Variants in DLC1 observed in about 807,000 individuals in gnomAD.
The protein encoded by DLC1 is DLC1 Rho GTPase activating protein, also known as rho GTPase-activating protein 7.
DLC1 carries 54 observed loss-of-function variants against 140.3 expected under a neutral mutation model. The ratio of observed to expected loss-of-function variants is 0.38; its 90% CI spans 0.31 to 0.48. The LOEUF (loss-of-function observed/expected upper bound fraction) is 0.48, where lower values mean the gene tolerates loss of function less well. Among genes scored for constraint, DLC1 ranks in the 20% least tolerant of loss-of-function variants. DLC1 has a pLI of 0.96. For missense variants in DLC1, 2,536 were observed against 1,907.0 expected (o/e 1.33, Z -6.14); for synonymous variants, 986 against 728.1 (o/e 1.35, Z -5.70).
intron 2 of DLC1, among the ~76,000 whole-genome samples, chr8:13,474,273 A>T (rs931207897): frequency 6.6e-6 from 1 of 152,156 alleles, no homozygotes; most frequent in Non-Finnish European, 1.5e-5. Context: ...CAGCTTCCAC[A>T]TGGTGTTGAG....
intron 4 of DLC1, among the ~76,000 whole-genome samples, chr8:13,358,212 A>G (rs1166431437): frequency 6.6e-6 from 1 of 152,258 alleles, no homozygotes; most frequent in Non-Finnish European, 1.5e-5. Flanking sequence ...AACCAATTAT[A>G]TCAGAGCAAG....
At chr8:13,307,961 C>T (rs1355225499) in intron 4 of DLC1, among the ~76,000 whole-genome samples, 1 of 152,106 alleles carries the variant, frequency 6.6e-6, no homozygotes, top group South Asian at 2.1e-4. Flanking sequence ...CACAAAATAC[C>T]TCTATAGGAA....
At chr8:13,129,328 T>C (rs922462010) in intron 5 of DLC1, among the ~76,000 whole-genome samples, 1 of 152,214 alleles carries the variant, frequency 6.6e-6, no homozygotes, top group African/African-American at 2.4e-5. Context: ...GCATGTTCCT[T>C]CTAATTTCAT....
chr8:13,122,958 C>A (rs867672656), intron 5 of DLC1, among the ~76,000 whole-genome samples: 3 of 152,130 alleles, frequency 2.0e-5, no homozygotes. Context: ...CCTACATTTT[C>A]CCTTTCACTA....
chr8:13,269,382 C>T (rs527706870), intron 5 of DLC1, among the ~76,000 whole-genome samples: 1 of 152,268 alleles, frequency 6.6e-6, no homozygotes, highest in African/African-American at 2.4e-5. Context: ...GGAAATCCAT[C>T]ATCATCACAC....
intron 1 of DLC1, among the ~76,000 whole-genome samples, chr8:13,591,763 A>G (rs1390644122): frequency 6.6e-6 from 1 of 152,116 alleles, no homozygotes; most frequent in African/African-American, 2.4e-5. Flanking sequence ...GATATGTCAG[A>G]TATGAAATTT....
chr8:13,436,363 A>T (rs560685069), intron 2 of DLC1, among the ~76,000 whole-genome samples: 3 of 152,218 alleles, frequency 2.0e-5, no homozygotes, highest in Non-Finnish European at 4.4e-5. Context: ...CTCGAAAATG[A>T]CATCATATCA....
At chr8:13,563,103 G>T (rs949587227) in intron 1 of DLC1, among the ~76,000 whole-genome samples, 3 of 152,130 alleles carry the variant, frequency 2.0e-5, no homozygotes, top group Admixed American at 6.6e-5. Flanking sequence ...TTCTCTTCCT[G>T]CTCCTTTTTA....
At chr8:13,266,094 T>A (rs1830679354) in intron 5 of DLC1, among the ~76,000 whole-genome samples, 1 of 152,248 alleles carries the variant, frequency 6.6e-6, no homozygotes, top group Admixed American at 6.5e-5. Flanking sequence ...AACTTTTCTC[T>A]GTCTTCCTTT....
intron 4 of DLC1, among the ~76,000 whole-genome samples, chr8:13,326,186 G>C (rs1420364252): frequency 2.0e-5 from 3 of 152,142 alleles, no homozygotes; most frequent in Non-Finnish European, 2.9e-5. Flanking sequence ...CAATGATGAG[G>C]ATATTAAAAA....
At chr8:13,348,112 A>AACAG (rs1834445847) in intron 4 of DLC1, among the ~76,000 whole-genome samples, 1 of 151,620 alleles carries the variant, frequency 6.6e-6, no homozygotes. Flanking sequence ...CAAACAAATA[A>AACAG]ACAAACAAAC....
intron 1 of DLC1, among the ~76,000 whole-genome samples, chr8:13,557,367 G>A (rs1028773195): frequency 3.9e-5 from 6 of 152,096 alleles, no homozygotes; most frequent in African/African-American, 7.2e-5. Context: ...GTAATTATTT[G>A]GAAAACAGGT....
intron 3 of DLC1, among the ~76,000 whole-genome samples, chr8:13,401,253 C>A (rs760191918): frequency 6.6e-6 from 1 of 152,100 alleles, no homozygotes; most frequent in Non-Finnish European, 1.5e-5. Context: ...TAAACAAGTT[C>A]TTTTGTATCA....
At chr8:13,343,205 A>T (rs1254435137) in intron 4 of DLC1, among the ~76,000 whole-genome samples, 1 of 152,196 alleles carries the variant, frequency 6.6e-6, no homozygotes, top group African/African-American at 2.4e-5. Flanking sequence ...TGAGTCAGAG[A>T]TTGGGTCATC....
At position 13,117,141 on chromosome 8, in the gene DLC1, G is replaced by A. The variant is rs114067910; in HGVS notation, c.1349-1484C>T. ...CACTTCCTAGAAAACTATATTGCTG[G>A]AAAAACATATACAAGCTCAATATTT... On this transcript the variant is annotated intron_variant, in intron 5 of 17. Transcript: ENST00000276297. Among the ~76,000 whole-genome samples, 958 of 152,248 alleles carry A rather than the reference G, an allele frequency of 6.3e-3. 11 individuals carry two copies. The highest frequency in any genetic ancestry group is 0.022 in the African/African-American group (908 of 41,538).
At position 13,384,493 on chromosome 8, in the gene DLC1, G is replaced by C. The variant is rs1279964455; in HGVS notation, c.1314+9060C>G. Among the ~76,000 whole-genome samples, 3 of 152,240 alleles carry C rather than the reference G, an allele frequency of 2.0e-5. No individual in the cohort carries two copies. In the East Asian group the frequency reaches 5.8e-4, roughly 29 times the overall value. ...TGCTAAATGTGAAATTAAATATTTG[G>C]TTAATATTTGCTTGGGAAATATCTT... On this transcript the variant is annotated intron_variant, in intron 4 of 17. Coordinates refer to ENST00000276297, the MANE Select transcript of DLC1 (RefSeq NM_182643.3).
intron 4 of DLC1, among the ~76,000 whole-genome samples, chr8:13,327,118 C>CAT (rs1833386534): frequency 1.4e-5 from 1 of 72,208 alleles, no homozygotes; most frequent in Non-Finnish European, 2.7e-5. Context: ...CCACACCCGG[C>CAT]TATTTTTTTT....
At chr8:13,178,795 G>T (rs1472694445) in intron 5 of DLC1, among the ~76,000 whole-genome samples, 1 of 152,030 alleles carries the variant, frequency 6.6e-6, no homozygotes, top group African/African-American at 2.4e-5. Context: ...AAAACACCAA[G>T]AGTTGGATGT....
At chr8:13,531,846 G>A (rs1803109189) in intron 1 of DLC1, among the ~76,000 whole-genome samples, 1 of 151,914 alleles carries the variant, frequency 6.6e-6, no homozygotes, top group Admixed American at 6.6e-5. Flanking sequence ...ACTTATTTTT[G>A]GAAAGGCTTA....
Sources: allele counts gnomAD v4.1 joint callset (sites outside exome capture counted in the v4.1 genomes callset), GRCh38; gene constraint gnomAD v4.1.1; transcripts MANE v1.5; gene names NCBI Gene and HGNC (gene_info 2026-07-23, HGNC 2026-07-21).